ZDHHC20: variants seen among roughly 807,000 people sequenced by gnomAD.
ZDHHC20 encodes the protein zDHHC palmitoyltransferase 20, also known as palmitoyltransferase ZDHHC20.
ZDHHC20 carries 43 observed loss-of-function variants against 57.8 expected under a neutral mutation model. The ratio of observed to expected loss-of-function variants is 0.74; its 90% CI spans 0.58 to 0.96. The LOEUF is 0.96. Ranked by LOEUF, ZDHHC20 falls within the 40% of genes least tolerant of loss-of-function variation. The probability of loss-of-function intolerance (pLI) is 0.00; values close to 1 mark genes in which losing one functional copy is unlikely to be tolerated. For missense variants in ZDHHC20, 391 were observed against 441.1 expected, an observed-to-expected ratio of 0.89 and a Z score of 1.02; for synonymous variants, 157 against 153.0, an observed-to-expected ratio of 1.03 and a Z score of -0.19.
chr13:21,418,937 C>G (rs531198374), intron 3 of ZDHHC20, among the ~76,000 whole-genome samples: 1 of 152,134 alleles, frequency 6.6e-6, no homozygotes, highest in East Asian at 1.9e-4. Context: ...CTTGGCCTTC[C>G]GAAGTGCTGG....
rs771043663 is a variant in ZDHHC20, at chr13:21,413,690, G to C, written c.332C>G (p.Ala111Gly). 4.3e-6 allele frequency: 7 copies of C among 1,610,674 alleles called. No individual in the cohort carries two copies. The East Asian group carries it at 1.6e-4, about 36-fold the overall frequency. The stretch of plus-strand genomic sequence containing the variant: ...TGTGGTATAGATAGGTAAAGCTCTT[G>C]CTGCTCTTCTCAAAATTTCTTGTTG... ...ERQQEILRRAARALPIYTTSA... is the reference protein window; with the variant it reads ...ERQQEILRRAGRALPIYTTSA... Residue 111 changes from alanine to glycine, a missense_variant, in exon 4 of 13, where the codon GCA becomes GGA. Around this residue, in one of 3 missense-constraint regions of ZDHHC20, gnomAD observed 185 missense variants for 188.0 expected, o/e 0.98. Coordinates refer to ENST00000400590, the MANE Select transcript of ZDHHC20 (RefSeq NM_001330059.2).
At chr13:21,417,250 T>C (rs1300715622) in intron 3 of ZDHHC20, among the ~76,000 whole-genome samples, 3 of 152,178 alleles carry the variant, frequency 2.0e-5, no homozygotes, top group Non-Finnish European at 4.4e-5. Context: ...CATATTACCA[T>C]GTTATTTTTC....
chr13:21,416,342 GTAC>G (rs1017249701), intron 3 of ZDHHC20, among the ~76,000 whole-genome samples: 1 of 151,968 alleles, frequency 6.6e-6, no homozygotes, highest in Non-Finnish European at 1.5e-5. Flanking sequence ...TTTTGAATTA[GTAC>G]TACAAGTTTG....
At chr13:21,397,568 A>T (rs1291995996) in intron 7 of ZDHHC20, among the ~76,000 whole-genome samples, 1 of 152,018 alleles carries the variant, frequency 6.6e-6, no homozygotes. Context: ...GGCTTGAGGC[A>T]GGGGATTGCT....
chr13:21,376,930 T>C (rs940993982), intron 12 of ZDHHC20: 1 of 232,178 alleles, frequency 4.3e-6, no homozygotes, highest in African/African-American at 2.3e-5. Context: ...TGAGAAGACA[T>C]CTGGTCCACC....
chr13:21,444,110 T>G (rs867710396), intron 1 of ZDHHC20, among the ~76,000 whole-genome samples: 2 of 152,256 alleles, frequency 1.3e-5, no homozygotes, highest in Middle Eastern at 3.4e-3. Flanking sequence ...GAGCTGAGAT[T>G]GTGCCACTGC....
intron 8 of ZDHHC20, among the ~76,000 whole-genome samples, chr13:21,389,732 T>C (rs1875306840): frequency 6.6e-6 from 1 of 152,194 alleles, no homozygotes; most frequent in African/African-American, 2.4e-5. Context: ...CCATGCCCTA[T>C]CTTGGGCAGT....
chr13:21,427,993 G>A, intron 1 of ZDHHC20, among the ~76,000 whole-genome samples: 3 of 151,998 alleles, frequency 2.0e-5, no homozygotes, highest in Admixed American at 2.0e-4. Flanking sequence ...TGTAATTACT[G>A]GTTTACAGTT....
At chr13:21,459,020 G>T in intron 1 of ZDHHC20, 34 bp downstream of exon 1, 1 of 1,539,514 alleles carries the variant, frequency 6.5e-7, no homozygotes, top group South Asian at 1.2e-5. Context: ...GCCGCGGCCC[G>T]CGCCCCGCCG....
At chr13:21,391,048 A>ACTTT (rs1875616740) in intron 8 of ZDHHC20, among the ~76,000 whole-genome samples, 1 of 147,400 alleles carries the variant, frequency 6.8e-6, no homozygotes, top group Non-Finnish European at 1.5e-5. Flanking sequence ...TTATAGATTA[A>ACTTT]TTTTTTTTTT....
chr13:21,400,129 T>C (rs117940414), intron 7 of ZDHHC20, among the ~76,000 whole-genome samples: 299 of 152,130 alleles, frequency 2.0e-3, no homozygotes, highest in Non-Finnish European at 3.7e-3. Flanking sequence ...TGTTAGAATG[T>C]GGGTGAAAAT....
rs188014045 is a variant in ZDHHC20 at position 21,435,302 on chromosome 13, A to G, written c.119-9624T>C. Among the ~76,000 whole-genome samples, 7 of 152,156 alleles carry G rather than the reference A, an allele frequency of 4.6e-5. No homozygotes were observed. In the East Asian group the frequency reaches 1.2e-3, roughly 25 times the overall value. On this transcript the variant is annotated intron_variant, in intron 1 of 12. Coordinates refer to ENST00000400590, the MANE Select transcript of ZDHHC20 (RefSeq NM_001330059.2). ...AGGCTTTCCTCATTGCCTTAAGATC[A>G]TCCACCCATATTTTCTTCTAATGCT... is the stretch of plus-strand genomic sequence containing the variant.
At chr13:21,437,684 T>C (rs759466148) in intron 1 of ZDHHC20, among the ~76,000 whole-genome samples, 2 of 139,462 alleles carry the variant, frequency 1.4e-5, no homozygotes, top group African/African-American at 2.6e-5. Flanking sequence ...GTTTACAGTA[T>C]GCTTTACTGA....
intron 6 of ZDHHC20, 66 bp from the exon 7 acceptor site, chr13:21,400,559 T>C (rs977274302): frequency 2.0e-6 from 3 of 1,481,438 alleles, no homozygotes; most frequent in East Asian, 2.5e-5. Context: ...AAATAGAAAG[T>C]AGGATGGAGG....
chr13:21,411,787 T>C (rs1879251703), intron 4 of ZDHHC20, among the ~76,000 whole-genome samples: 1 of 152,136 alleles, frequency 6.6e-6, no homozygotes, highest in Non-Finnish European at 1.5e-5. Context: ...AGGGTAGTGT[T>C]TTTCATTAAC....
rs554622231 is a variant in ZDHHC20 at position 21,374,565 on chromosome 13, T to C, written c.*2131A>G. On this transcript the variant is annotated 3_prime_UTR_variant, in exon 13 of 13. Coordinates refer to ENST00000400590, the MANE Select transcript of ZDHHC20 (RefSeq NM_001330059.2). ...TGGTATCTCTTAAATCTCATTCTAG[T>C]TTGCTAGAATCAAGATTACTAAGGA... 162 of 318,296 alleles carry C rather than the reference T, an allele frequency of 5.1e-4. No individual in the cohort carries two copies. The highest frequency in any genetic ancestry group is 3.2e-3 in the African/African-American group (151 of 46,688). 19.7% of individuals were successfully genotyped at this position (318,296 alleles called of 1,614,324 possible).
At position 21,374,369 on chromosome 13, in the gene ZDHHC20, C is replaced by T. The variant is rs560160306; in HGVS notation, c.*2327G>A. 2.2e-5 allele frequency: 10 copies of T among 454,912 alleles called. No individual in the cohort carries two copies. Among genetic ancestry groups the T allele is most frequent in the South Asian group, 9.3e-5 (6 of 64,434 alleles). 28.2% of individuals were successfully genotyped at this position (454,912 alleles called of 1,614,324 possible). A position where few individuals can be genotyped will look rare whatever the true frequency, so the allele number is the denominator to read the frequency against. ...CCTCCCGAGTAGTTGGGACTACAGG[C>T]GTGTGCCACCATGCCTGGACAGTTT... On this transcript the variant is annotated 3_prime_UTR_variant, in exon 13 of 13. Coordinates refer to ENST00000400590, the MANE Select transcript of ZDHHC20 (RefSeq NM_001330059.2).
intron 1 of ZDHHC20, among the ~76,000 whole-genome samples, chr13:21,435,289 T>C (rs542999778): frequency 1.3e-4 from 20 of 152,334 alleles, no homozygotes; most frequent in Non-Finnish European, 2.4e-4. Flanking sequence ...GCTTTCCTCA[T>C]TGCCTTAAGA....
At chr13:21,410,210 C>T (rs544824831) in intron 4 of ZDHHC20, among the ~76,000 whole-genome samples, 4 of 152,264 alleles carry the variant, frequency 2.6e-5, no homozygotes, top group Middle Eastern at 3.4e-3. Context: ...GTATCACCAG[C>T]GGAGGCTGCA....
Sources: gnomAD v4.1 joint callset for allele counts (sites outside exome capture counted in the v4.1 genomes callset) on GRCh38, gnomAD v4.1.1 for gene constraint, gnomAD v4.1.1 regional missense constraint, MANE v1.5 for transcripts, NCBI Gene and HGNC (gene_info 2026-07-23, HGNC 2026-07-21) for gene names.